Variants in CCSER1 observed in about 807,000 individuals in gnomAD.
The protein encoded by CCSER1 is coiled-coil serine rich protein 1.
A neutral mutation model predicts 82.0 loss-of-function variants in CCSER1; 41 were observed. That is an observed-to-expected ratio of 0.50 (90% CI 0.39 to 0.65). The LOEUF is 0.65. Among genes scored for constraint, CCSER1 ranks in the 30% least tolerant of loss-of-function variants. The pLI is 0.00. For missense variants in CCSER1, 1,119 were observed against 1,064.2 expected, an observed-to-expected ratio of 1.05 and a Z score of -0.72; for synonymous variants, 414 against 383.9, an observed-to-expected ratio of 1.08 and a Z score of -0.92.
At chr4:91,166,836 C>G (rs1372282462) in intron 10 of CCSER1, among the ~76,000 whole-genome samples, 1 of 152,094 alleles carries the variant, frequency 6.6e-6, no homozygotes, top group East Asian at 1.9e-4. Flanking sequence ...TTTGTTCTCA[C>G]TTCATTCTAC....
chr4:90,856,184 C>G (rs1430233314), intron 8 of CCSER1, among the ~76,000 whole-genome samples: 2 of 152,074 alleles, frequency 1.3e-5, no homozygotes, highest in Non-Finnish European at 2.9e-5. Flanking sequence ...TGATTGGGCT[C>G]AACACATGAG....
At chr4:90,746,230 A>G (rs1484326248) in intron 7 of CCSER1, among the ~76,000 whole-genome samples, 1 of 152,196 alleles carries the variant, frequency 6.6e-6, no homozygotes, top group Non-Finnish European at 1.5e-5. Flanking sequence ...TATATTCTTT[A>G]TATTCCCTAT....
At chr4:90,327,757 G>A (rs900463469) in intron 3 of CCSER1, among the ~76,000 whole-genome samples, 10 of 152,112 alleles carry the variant, frequency 6.6e-5, no homozygotes, top group Admixed American at 3.3e-4. Flanking sequence ...ATGCCAGTGG[G>A]ACCCCCTGGT....
At chr4:91,598,538 TAAGACA>T in intron 10 of CCSER1, 28 bp from the exon 11 acceptor site, 2 of 1,511,906 alleles carry the variant, frequency 1.3e-6, no homozygotes, top group Admixed American at 2.3e-5. Flanking sequence ...AGTGTTTTTT[TAAGACA>T]TCTTTTTCTT....
chr4:91,017,788 G>A (rs557919197), intron 9 of CCSER1, among the ~76,000 whole-genome samples: 2 of 150,752 alleles, frequency 1.3e-5, no homozygotes, highest in African/African-American at 2.4e-5. Context: ...TACTGTCTTC[G>A]TATTAACATT....
At chr4:90,882,424 A>C (rs1338855830) in intron 8 of CCSER1, among the ~76,000 whole-genome samples, 1 of 152,082 alleles carries the variant, frequency 6.6e-6, no homozygotes. Context: ...CTTAGTATTT[A>C]CTAAGTATTT....
At chr4:90,171,046 C>T (rs1015448686) in intron 1 of CCSER1, among the ~76,000 whole-genome samples, 3 of 151,424 alleles carry the variant, frequency 2.0e-5, no homozygotes, top group African/African-American at 7.3e-5. Flanking sequence ...TGATGGATAC[C>T]GAATTGCCTC....
At chr4:91,106,567 G>A (rs1464114801) in intron 10 of CCSER1, among the ~76,000 whole-genome samples, 1 of 151,978 alleles carries the variant, frequency 6.6e-6, no homozygotes, top group Non-Finnish European at 1.5e-5. Context: ...TTGCCTATAG[G>A]TGTTATCTCA....
At chr4:90,271,224 C>A (rs1726218386) in intron 1 of CCSER1, among the ~76,000 whole-genome samples, 1 of 152,204 alleles carries the variant, frequency 6.6e-6, no homozygotes, top group East Asian at 1.9e-4. Flanking sequence ...AATCACATTA[C>A]CTGACTTCAA....
At chr4:90,611,466 G>T (rs942252725) in intron 5 of CCSER1, among the ~76,000 whole-genome samples, 20 of 151,688 alleles carry the variant, frequency 1.3e-4, no homozygotes, top group African/African-American at 4.4e-4. Context: ...AATCTCAGTT[G>T]GTTGCTTTGA....
chr4:90,934,568 A>G (rs1730683503), intron 9 of CCSER1, among the ~76,000 whole-genome samples: 1 of 152,200 alleles, frequency 6.6e-6, no homozygotes, highest in African/African-American at 2.4e-5. Context: ...AAAATCAGAC[A>G]AAATCCAAAT....
At chr4:91,335,286 C>T (rs1747241014) in intron 10 of CCSER1, among the ~76,000 whole-genome samples, 1 of 152,140 alleles carries the variant, frequency 6.6e-6, no homozygotes, top group Non-Finnish European at 1.5e-5. Flanking sequence ...AACTTGCCCA[C>T]GCTATCACAG....
chr4:90,168,973 C>A (rs1309190587), intron 1 of CCSER1, among the ~76,000 whole-genome samples: 2 of 151,646 alleles, frequency 1.3e-5, no homozygotes, highest in Admixed American at 6.6e-5. Flanking sequence ...TTTTTTGGTT[C>A]CATATGAACT....
In CCSER1 at chr4:90,309,222, C is replaced by A. The variant is rs536916903; in HGVS notation, c.938C>A (p.Thr313Asn). 4.4e-5 allele frequency: 71 copies of A among 1,613,936 alleles called. No individual in the cohort carries two copies. In the South Asian group the frequency reaches 7.5e-4, roughly 17 times the overall value. ...VTKTTTELTG[T>N]VPCAIMSPGK... ...AAGACAACAACAGAACTTACGGGAACTGTTCCCTGTGCAATTATGTCTCCT... is the reference window on the plus strand; with the variant it reads ...AAGACAACAACAGAACTTACGGGAAATGTTCCCTGTGCAATTATGTCTCCT... The change falls in exon 2 of 11, where the codon ACT (threonine) becomes AAT (asparagine). Residue 313 changes from threonine to asparagine, a missense_variant. Physicochemically the swap from Thr to Asn is moderately conservative, Grantham distance 65 (BLOSUM62 0). Transcript: ENST00000509176.
intron 1 of CCSER1, among the ~76,000 whole-genome samples, chr4:90,188,003 C>G (rs1320575745): frequency 6.6e-6 from 1 of 151,876 alleles, no homozygotes; most frequent in Non-Finnish European, 1.5e-5. Context: ...GAAAGCTTTT[C>G]AATTTCCTAC....
intron 5 of CCSER1, among the ~76,000 whole-genome samples, chr4:90,546,001 C>G (rs1322701763): frequency 6.6e-6 from 1 of 152,072 alleles, no homozygotes; most frequent in African/African-American, 2.4e-5. Flanking sequence ...GCAACCAACA[C>G]AGTTTCTTAT....
chr4:90,999,498 T>G (rs1737800951), intron 9 of CCSER1, among the ~76,000 whole-genome samples: 1 of 152,240 alleles, frequency 6.6e-6, no homozygotes, highest in Admixed American at 6.5e-5. Context: ...TGAACATTCT[T>G]TTATACATTT....
At chr4:91,593,820 GTTTA>G (rs981942199) in intron 10 of CCSER1, among the ~76,000 whole-genome samples, 2 of 151,974 alleles carry the variant, frequency 1.3e-5, no homozygotes, top group African/African-American at 2.4e-5. Flanking sequence ...AGTGAATGTG[GTTTA>G]TTTGTTTTAA....
chr4:90,928,067 C>T (rs1364462754), intron 9 of CCSER1, among the ~76,000 whole-genome samples: 1 of 151,936 alleles, frequency 6.6e-6, no homozygotes, highest in Admixed American at 6.6e-5. Flanking sequence ...TATGAATGTG[C>T]TCTGGCATTT....
Sources: gnomAD v4.1 joint callset for allele counts (sites outside exome capture counted in the v4.1 genomes callset) on GRCh38, gnomAD v4.1.1 for gene constraint, MANE v1.5 for transcripts, NCBI Gene and HGNC (gene_info 2026-07-23, HGNC 2026-07-21) for gene names.